Variants in WWC2 observed in about 807,000 individuals in gnomAD.
WWC2 encodes protein WWC2.
In WWC2, 101 loss-of-function variants were observed where a neutral mutation model predicts 138.5. That is an observed-to-expected ratio of 0.73 (90% CI 0.62 to 0.86). The LOEUF is 0.86. WWC2 is among the 40% of genes least tolerant of loss of function. The probability of loss-of-function intolerance (pLI) is 0.00; values close to 1 mark genes in which losing one functional copy is unlikely to be tolerated. For missense variants in WWC2, 1,420 were observed against 1,419.4 expected (o/e 1.00, Z -0.01); for synonymous variants, 558 against 538.4 (o/e 1.04, Z -0.50).
At chr4:183,137,991 T>G (rs757828948) in intron 1 of WWC2, among the ~76,000 whole-genome samples, 4 of 152,182 alleles carry the variant, frequency 2.6e-5, no homozygotes, top group Non-Finnish European at 5.9e-5. Context: ...GTATTGATCC[T>G]TTGAGGCCTG....
Position 183,213,145 on chromosome 4 carries a change from G to A in WWC2, c.522+4120G>A, listed in dbSNP as rs140821001. On this transcript the variant is annotated intron_variant, in intron 4 of 22. Coordinates refer to ENST00000403733, the MANE Select transcript of WWC2 (RefSeq NM_024949.6). ...CTGCCATAGCAGATTGGTCCTCACAGACTGTGTTGCTGTTGTGATGTTTTG... is the reference window on the plus strand; with the variant it reads ...CTGCCATAGCAGATTGGTCCTCACAAACTGTGTTGCTGTTGTGATGTTTTG... Among the ~76,000 whole-genome samples the A allele has an allele frequency of 3.2e-4, 48 of 152,318 alleles. 1 individual carries two copies. In the East Asian group the frequency reaches 8.9e-3, roughly 28 times the overall value.
chr4:183,182,116 T>G (rs1004485205), intron 1 of WWC2, among the ~76,000 whole-genome samples: 2 of 152,176 alleles, frequency 1.3e-5, no homozygotes, highest in African/African-American at 4.8e-5. Flanking sequence ...TCCTATGTAG[T>G]GAGGTTATAG....
intron 1 of WWC2, among the ~76,000 whole-genome samples, chr4:183,185,697 A>C (rs890103050): frequency 3.3e-5 from 5 of 152,242 alleles, no homozygotes; most frequent in East Asian, 1.9e-4. Flanking sequence ...TGCAACCACT[A>C]CTGCCCTATG....
chr4:183,165,027 C>T (rs1160310480), intron 1 of WWC2, among the ~76,000 whole-genome samples: 1 of 152,154 alleles, frequency 6.6e-6, no homozygotes, highest in Non-Finnish European at 1.5e-5. Context: ...GCTGGATTAA[C>T]AATCATTACC....
chr4:183,245,797 G>A (rs188618471), intron 6 of WWC2, among the ~76,000 whole-genome samples: 1 of 152,284 alleles, frequency 6.6e-6, no homozygotes, highest in Non-Finnish European at 1.5e-5. Flanking sequence ...GATAGTGGGT[G>A]GTGGGGCCTG....
In WWC2 at chr4:183,228,732, G is replaced by GC. The variant is rs370791821; in HGVS notation, c.523-11449dup. 4.7e-3 allele frequency among the ~76,000 whole-genome samples: 711 copies of GC among 152,164 alleles called. 16 individuals are homozygous for GC. Among genetic ancestry groups the GC allele is most frequent in the African/African-American group, 0.017 (687 of 41,450 alleles). On this transcript the variant is annotated intron_variant, in intron 4 of 22. Coordinates refer to ENST00000403733, the MANE Select transcript of WWC2 (RefSeq NM_024949.6). ...ACTCTTTACTGCTGGTGGGAAACTGGCCTTTCCTAATAAAGCTGAACGTGT... is the reference window on the plus strand; with the variant it reads ...ACTCTTTACTGCTGGTGGGAAACTGGCCCTTTCCTAATAAAGCTGAACGTGT...
At chr4:183,188,382 T>G (rs1272720099) in intron 1 of WWC2, among the ~76,000 whole-genome samples, 1 of 151,826 alleles carries the variant, frequency 6.6e-6, no homozygotes, top group Non-Finnish European at 1.5e-5. Flanking sequence ...GGATTACAGA[T>G]GCCCACCACC....
At chr4:183,262,428 C>T (rs1221385903) in intron 11 of WWC2, among the ~76,000 whole-genome samples, 1 of 152,188 alleles carries the variant, frequency 6.6e-6, no homozygotes, top group Non-Finnish European at 1.5e-5. Flanking sequence ...TCTTCCTGTT[C>T]CCAGAAGCAT....
chr4:183,245,757 C>T (rs938347921), intron 6 of WWC2, among the ~76,000 whole-genome samples: 3 of 152,098 alleles, frequency 2.0e-5, no homozygotes, highest in Non-Finnish European at 2.9e-5. Context: ...TGGTATGCTT[C>T]GTTGTAAGCA....
At chr4:183,193,848 C>G (rs1735059016) in intron 2 of WWC2, 140 bp downstream of exon 2, 1 of 736,048 alleles carries the variant, frequency 1.4e-6, no homozygotes. Context: ...AACTGAAGTG[C>G]CTGTCTTGGT....
intron 4 of WWC2, among the ~76,000 whole-genome samples, chr4:183,232,697 G>T (rs1560856563): frequency 6.6e-6 from 1 of 152,090 alleles, no homozygotes; most frequent in Admixed American, 6.6e-5. Flanking sequence ...GCCCAGGCTG[G>T]AGTGCAATGG....
At chr4:183,118,720 G>T (rs1283795633) in intron 1 of WWC2, among the ~76,000 whole-genome samples, 1 of 152,156 alleles carries the variant, frequency 6.6e-6, no homozygotes, top group African/African-American at 2.4e-5. Context: ...CAGTAGAAGT[G>T]AATAATCATC....
At chr4:183,257,640 T>TG (rs1349884610) in intron 9 of WWC2, among the ~76,000 whole-genome samples, 1 of 151,976 alleles carries the variant, frequency 6.6e-6, no homozygotes, top group Non-Finnish European at 1.5e-5. Flanking sequence ...ATGGGGAAGT[T>TG]GGGGAGAGCA....
chr4:183,219,345 T>C (rs142762711), intron 4 of WWC2, among the ~76,000 whole-genome samples: 63 of 152,174 alleles, frequency 4.1e-4, no homozygotes, highest in African/African-American at 1.4e-3. Context: ...AAATAAAGAA[T>C]AAAATAATTT....
At chr4:183,268,850 A>T in intron 14 of WWC2, 121 bp from the exon 15 acceptor site, 1 of 1,091,528 alleles carries the variant, frequency 9.2e-7, no homozygotes, top group Non-Finnish European at 1.3e-6. Context: ...GCAACACTTT[A>T]GATTGATCTT....
intron 6 of WWC2, among the ~76,000 whole-genome samples, chr4:183,245,875 C>A (rs1181646747): frequency 2.6e-5 from 4 of 152,136 alleles, no homozygotes; most frequent in African/African-American, 9.7e-5. Flanking sequence ...TATGAGTCCC[C>A]AGTAAGCAGA....
intron 9 of WWC2, among the ~76,000 whole-genome samples, chr4:183,259,242 G>A (rs1737247001): frequency 6.6e-6 from 1 of 152,154 alleles, no homozygotes; most frequent in Non-Finnish European, 1.5e-5. Context: ...CTTTACTGTT[G>A]CTGTGAAATG....
At chr4:183,308,385 G>A (rs1739093064) in intron 21 of WWC2, among the ~76,000 whole-genome samples, 1 of 152,114 alleles carries the variant, frequency 6.6e-6, no homozygotes, top group Non-Finnish European at 1.5e-5. Context: ...AAGTTTATAT[G>A]GAGAGGCATA....
In WWC2 at chr4:183,099,538, G is replaced by C; in HGVS notation, c.47G>C (p.Trp16Ser). The change falls in exon 1 of 23, where the codon TGG becomes TCG. Residue 16 changes from tryptophan (W) to serine (S), a missense_variant. Trp to Ser is a radical substitution (Grantham distance 177). Transcript: ENST00000403733. ...GSGQLPLPRG[W>S]EEARDYDGKV... ...GGTCAGCTGCCGCTGCCCCGGGGCTGGGAGGAGGCCAGGGACTACGACGGC... is the reference window on the plus strand; with the variant it reads ...GGTCAGCTGCCGCTGCCCCGGGGCTCGGAGGAGGCCAGGGACTACGACGGC... 2.1e-6 allele frequency: 3 copies of C among 1,411,198 alleles called. No homozygotes were observed. Among genetic ancestry groups the C allele is most frequent in the Non-Finnish European group, 2.8e-6 (3 of 1,065,916 alleles). 87.4% of individuals were successfully genotyped at this position (1,411,198 alleles called of 1,614,324 possible).
Sources: gnomAD v4.1 joint callset for allele counts (sites outside exome capture counted in the v4.1 genomes callset) on GRCh38, gnomAD v4.1.1 for gene constraint, MANE v1.5 for transcripts, NCBI Gene and HGNC (gene_info 2026-07-23, HGNC 2026-07-21) for gene names.